TNMD: variants seen among roughly 807,000 people sequenced by gnomAD.
TNMD encodes BRICHOS domain containing 4.
Under a neutral mutation model 26.9 loss-of-function variants are expected in TNMD, and 15 were observed. The ratio of observed to expected loss-of-function variants is 0.56; its 90% CI spans 0.37 to 0.86. The LOEUF is 0.86. TNMD is among the 40% of genes least tolerant of loss of function. The pLI, the probability that TNMD is intolerant of heterozygous loss-of-function variation, is 0.00. For synonymous variants in TNMD, 73 were observed against 77.0 expected, an observed-to-expected ratio of 0.95 and a Z score of 0.27; for missense variants, 222 against 242.6, an observed-to-expected ratio of 0.92 and a Z score of 0.56.
At chrX:100,586,259 T>A (rs1484398691) in intron 2 of TNMD, among the ~76,000 whole-genome samples, 1 of 112,554 alleles carries the variant, frequency 8.9e-6, no homozygotes, top group East Asian at 2.8e-4. Context: ...TGTTGGTGTG[T>A]GGATTGCTGC....
Position 100,595,467 on chromosome X carries a change from C to T in TNMD, c.423+1105C>T, listed in dbSNP as rs2082950310. Among the ~76,000 whole-genome samples, 4 of 110,522 alleles carry T rather than the reference C, an allele frequency of 3.6e-5. No homozygotes were observed. The South Asian group carries it at 1.5e-3, about 43-fold the overall frequency. ...TAAAAACCTCTTTCTTTCTTTCTTTCTTTCTTCTCTCTCTCCCTGTTCTTT... is the reference window on the plus strand; with the variant it reads ...TAAAAACCTCTTTCTTTCTTTCTTTTTTTCTTCTCTCTCTCCCTGTTCTTT... On this transcript the variant is annotated intron_variant, in intron 4 of 6. Coordinates refer to ENST00000373031, the MANE Select transcript of TNMD (RefSeq NM_022144.3).
At chrX:100,587,700 A>G (rs952812837) in intron 2 of TNMD, among the ~76,000 whole-genome samples, 11 of 112,039 alleles carry the variant, frequency 9.8e-5, no homozygotes, top group Admixed American at 1.9e-4. Context: ...AAAGATCTCA[A>G]GAGACCATCT....
Position 100,599,093 on chromosome X carries a change from A to T in TNMD, c.655A>T (p.Asn219Tyr). Residue 219 changes from asparagine (N) to tyrosine (Y), a missense_variant, in exon 6 of 7, where the codon AAT (asparagine) becomes TAT (tyrosine). Physicochemically the swap from Asn to Tyr is moderately radical, Grantham distance 143 (BLOSUM62 -2). Transcript: ENST00000373031. ...PANEKKGIEQ[N>Y]EQWVVPQVKV... The stretch of plus-strand genomic sequence containing the variant: ...CAACGAAAAAAAAGGGATTGAACAA[A>T]ATGAACAGTGGGTGGTCCCTCAAGT... The T allele has an allele frequency of 8.3e-7, 1 of 1,207,738 alleles. No homozygotes were observed. Among genetic ancestry groups the T allele is most frequent in the Non-Finnish European group, 1.1e-6 (1 of 893,179 alleles).
In TNMD at chrX:100,599,702, G is replaced by T; in HGVS notation, c.939G>T (p.Met313Ile). The T allele has an allele frequency of 8.3e-7, 1 of 1,211,062 alleles. No individual in the cohort carries two copies. Among genetic ancestry groups the T allele is most frequent in the Non-Finnish European group, 1.1e-6 (1 of 895,126 alleles). ...IMPCNWWVAR[M>I]LGRV is the part of the protein sequence containing the mutation. ...CTTGTAACTGGTGGGTGGCCCGCAT[G>T]CTGGGGAGGGTCTAATAGGAGGTTT... The change falls in exon 7 of 7, where the codon ATG (methionine) becomes ATT (isoleucine). Residue 313 changes from methionine to isoleucine, a missense_variant. Transcript: ENST00000373031.
At chrX:100,587,093 T>C (rs2082924216) in intron 2 of TNMD, among the ~76,000 whole-genome samples, 1 of 112,528 alleles carries the variant, frequency 8.9e-6, no homozygotes, top group South Asian at 3.7e-4. Flanking sequence ...TTGTTGTCAT[T>C]GGTACTGCAA....
chrX:100,590,248 G>A, intron 2 of TNMD, among the ~76,000 whole-genome samples: 1 of 111,481 alleles, frequency 9.0e-6, no homozygotes, highest in East Asian at 2.8e-4. Flanking sequence ...TTTCACCTTT[G>A]GAGAGTGTAC....
chrX:100,594,663 T>C (rs2082947920), intron 4 of TNMD, among the ~76,000 whole-genome samples: 1 of 111,497 alleles, frequency 9.0e-6, no homozygotes, highest in Non-Finnish European at 1.9e-5. Flanking sequence ...CCATTAACAT[T>C]ATGTTGATTT....
chrX:100,598,894 C>T, intron 5 of TNMD, 122 bp from the exon 6 acceptor site: 1 of 550,206 alleles, frequency 1.8e-6, no homozygotes, highest in South Asian at 5.0e-5. Flanking sequence ...TGGTCCATGC[C>T]TAAATGATGC....
intron 2 of TNMD, 69 bp from the exon 3 acceptor site, chrX:100,593,826 G>T: frequency 8.9e-7 from 1 of 1,119,473 alleles, no homozygotes; most frequent in East Asian, 3.1e-5. Flanking sequence ...ATCAGCTCCA[G>T]CGCCAAAAAG....
At chrX:100,587,911 T>C (rs1419361109) in intron 2 of TNMD, among the ~76,000 whole-genome samples, 2 of 111,486 alleles carry the variant, frequency 1.8e-5, no homozygotes, top group Admixed American at 1.9e-4. Context: ...CTCTTTGGGC[T>C]TTCCTTAACA....
At chrX:100,597,084 GTC>G (rs1174919873) in intron 4 of TNMD, among the ~76,000 whole-genome samples, 1 of 112,167 alleles carries the variant, frequency 8.9e-6, no homozygotes, top group African/African-American at 3.2e-5. Context: ...TCAGCTTCGG[GTC>G]AAATCCTGCT....
Position 100,597,680 on chromosome X carries a change from C to T in TNMD, c.577+23C>T, listed in dbSNP as rs781640897. The stretch of plus-strand genomic sequence containing the variant: ...CAGGTATGACATTCTTATCCTCATC[C>T]TCCTCCTATTTTCTAAGACAGTAAC... On this transcript the variant is annotated intron_variant, in intron 5 of 6. Coordinates refer to ENST00000373031, the MANE Select transcript of TNMD (RefSeq NM_022144.3). 8.4e-6 allele frequency: 10 copies of T among 1,185,270 alleles called. No individual in the cohort carries two copies. In the East Asian group the frequency reaches 3.0e-4, roughly 35 times the overall value.
intron 6 of TNMD, 89 bp downstream of exon 6, chrX:100,599,271 G>C (rs1412534753): frequency 1.2e-6 from 1 of 840,358 alleles, no homozygotes; most frequent in African/African-American, 2.2e-5. Context: ...TCATTGGAAG[G>C]AGAACGATCA....
Position 100,599,803 on chromosome X carries a change from T to C in TNMD, c.*86T>C. The C allele has an allele frequency of 1.2e-6, 1 of 867,765 alleles. No individual in the cohort carries two copies. The highest frequency in any genetic ancestry group is 2.0e-5 in the African/African-American group (1 of 50,836). The allele number at this position is 867,765 out of a possible 1,213,427, so 71.5% of individuals were successfully genotyped here. A position where few individuals can be genotyped will look rare whatever the true frequency, so the allele number is the denominator to read the frequency against. ...AATGAATTTCTGCCTATGAGGCATC[T>C]GGCCCCTGGTAGCCAGCTCTCCAGA... On this transcript the variant is annotated 3_prime_UTR_variant, in exon 7 of 7. Transcript: ENST00000373031.
intron 2 of TNMD, among the ~76,000 whole-genome samples, chrX:100,588,305 G>GACAC (rs772320493): frequency 1.9e-5 from 2 of 106,625 alleles, no homozygotes; most frequent in Non-Finnish European, 3.9e-5. Flanking sequence ...CACACACACA[G>GACAC]ACACACACAC....
At chrX:100,592,365 C>CA (rs1318462045) in intron 2 of TNMD, among the ~76,000 whole-genome samples, 2 of 112,374 alleles carry the variant, frequency 1.8e-5, no homozygotes, top group Non-Finnish European at 3.8e-5. Context: ...CTACCTATCA[C>CA]AAACCAGGCC....
rs2082956834 is a variant in TNMD, at chrX:100,597,674, C to T, written c.577+17C>T. ...TAATATCAGGTATGACATTCTTATCCTCATCCTCCTCCTATTTTCTAAGAC... is the reference window on the plus strand; with the variant it reads ...TAATATCAGGTATGACATTCTTATCTTCATCCTCCTCCTATTTTCTAAGAC... On this transcript the variant is annotated intron_variant, in intron 5 of 6. Coordinates refer to ENST00000373031, the MANE Select transcript of TNMD (RefSeq NM_022144.3). 1 of 1,184,648 alleles carries T rather than the reference C, an allele frequency of 8.4e-7. No homozygotes were observed. Among genetic ancestry groups the T allele is most frequent in the African/African-American group, 1.8e-5 (1 of 56,664 alleles).
intron 2 of TNMD, among the ~76,000 whole-genome samples, chrX:100,591,311 T>C (rs1305532826): frequency 8.9e-6 from 1 of 111,850 alleles, no homozygotes; most frequent in Non-Finnish European, 1.9e-5. Flanking sequence ...TTCAGGCCAG[T>C]CATCCTGTCT....
Position 100,585,376 on chromosome X carries a change from C to T in TNMD, c.180+14C>T. ...GTACCCAAAAAAGTAAGTAAATACA[C>T]ATCATAATCTGATGCTTCTGTTCTG... On this transcript the variant is annotated intron_variant, in intron 2 of 6. Coordinates refer to ENST00000373031, the MANE Select transcript of TNMD (RefSeq NM_022144.3). 1.7e-6 allele frequency: 2 copies of T among 1,194,925 alleles called. No individual in the cohort carries two copies. The highest frequency in any genetic ancestry group is 3.8e-5 in the South Asian group (2 of 52,873).
Sources: gnomAD v4.1 joint callset for allele counts (sites outside exome capture counted in the v4.1 genomes callset) on GRCh38, gnomAD v4.1.1 for gene constraint, MANE v1.5 for transcripts, NCBI Gene and HGNC (gene_info 2026-07-23, HGNC 2026-07-21) for gene names.